The following DTNA variants were observed in gnomAD, a reference collection of about 807,000 sequenced individuals.
DTNA encodes dystrobrevin alpha.
Under a neutral mutation model 100.7 loss-of-function variants are expected in DTNA, and 43 were observed. The observed-to-expected ratio is 0.43, with a 90% CI of 0.33 to 0.55. The LOEUF (loss-of-function observed/expected upper bound fraction) is 0.55, where lower values mean the gene tolerates loss of function less well. Among genes scored for constraint, DTNA ranks in the 20% least tolerant of loss-of-function variants. DTNA has a pLI of 0.04. For missense variants in DTNA, 798 were observed against 953.9 expected (o/e 0.84, Z 2.15); for synonymous variants, 349 against 347.9 (o/e 1.00, Z -0.04).
chr18:34,625,035 ATTT>A (rs1201084306), intron 1 of DTNA, among the ~76,000 whole-genome samples: 13 of 133,546 alleles, frequency 9.7e-5, no homozygotes, highest in African/African-American at 3.6e-4. Flanking sequence ...CAGCCAGTTA[ATTT>A]TTTTTTTTTT....
intron 1 of DTNA, among the ~76,000 whole-genome samples, chr18:34,575,156 A>C (rs984950413): frequency 6.6e-6 from 1 of 152,124 alleles, no homozygotes; most frequent in Non-Finnish European, 1.5e-5. Flanking sequence ...TTGAAGTTTC[A>C]TTTTGATAAA....
intron 1 of DTNA, among the ~76,000 whole-genome samples, chr18:34,720,042 G>A (rs1891839751): frequency 6.6e-6 from 1 of 152,096 alleles, no homozygotes; most frequent in Non-Finnish European, 1.5e-5. Flanking sequence ...AATTAAATGC[G>A]CTAATATTTT....
At chr18:34,595,080 AT>A (rs34580500) in intron 1 of DTNA, among the ~76,000 whole-genome samples, 11,845 of 152,274 alleles carry the variant, frequency 0.078, 568 homozygotes, top group African/African-American at 0.12. Context: ...ATTAATTTTC[AT>A]TTCCCCATAA....
intron 1 of DTNA, chr18:34,574,358 C>T (rs1388557810): frequency 6.5e-6 from 1 of 153,494 alleles, no homozygotes; most frequent in African/African-American, 2.4e-5. Context: ...TCTCCAGTGC[C>T]TCCAGGTCCA....
chr18:34,618,400 G>A (rs2147785757), intron 1 of DTNA, among the ~76,000 whole-genome samples: 1 of 152,220 alleles, frequency 6.6e-6, no homozygotes, highest in Non-Finnish European at 1.5e-5. Context: ...AATCAGTGCT[G>A]ACTATAAATT....
At chr18:34,793,050 A>G (rs1201765558) in intron 3 of DTNA, among the ~76,000 whole-genome samples, 2 of 152,234 alleles carry the variant, frequency 1.3e-5, no homozygotes, top group African/African-American at 4.8e-5. Flanking sequence ...TACTTTCAGC[A>G]ATACATGTAT....
intron 3 of DTNA, among the ~76,000 whole-genome samples, chr18:34,769,009 A>T (rs1667181110): frequency 6.6e-6 from 1 of 152,194 alleles, no homozygotes; most frequent in Non-Finnish European, 1.5e-5. Context: ...AGTCTTATTT[A>T]TTTTATAATG....
intron 3 of DTNA, among the ~76,000 whole-genome samples, chr18:34,781,492 C>T (rs1427487100): frequency 6.6e-6 from 1 of 152,024 alleles, no homozygotes; most frequent in East Asian, 1.9e-4. Context: ...ATCCCATTGG[C>T]CTTAAAAGTT....
At chr18:34,818,757 T>A in intron 8 of DTNA, 1 of 607,138 alleles carries the variant, frequency 1.6e-6, no homozygotes, top group Non-Finnish European at 2.2e-6. Context: ...ACTAGAATAT[T>A]AAAGAAACAA....
intron 1 of DTNA, among the ~76,000 whole-genome samples, chr18:34,689,669 T>G (rs1253227433): frequency 6.6e-6 from 1 of 152,160 alleles, no homozygotes; most frequent in African/African-American, 2.4e-5. Flanking sequence ...AGAGCTCGAG[T>G]GCTGTGCTGG....
At chr18:34,678,190 G>A (rs187260179) in intron 1 of DTNA, among the ~76,000 whole-genome samples, 2 of 152,218 alleles carry the variant, frequency 1.3e-5, no homozygotes, top group African/African-American at 4.8e-5. Context: ...AAGTCAAGGC[G>A]GGGACACAGC....
intron 1 of DTNA, among the ~76,000 whole-genome samples, chr18:34,702,876 T>C (rs1364214388): frequency 6.6e-6 from 1 of 152,176 alleles, no homozygotes; most frequent in Non-Finnish European, 1.5e-5. Context: ...AGGTAACAAT[T>C]CATTTTACCC....
At chr18:34,834,870 C>T (rs2096103769) in intron 11 of DTNA, among the ~76,000 whole-genome samples, 1 of 152,176 alleles carries the variant, frequency 6.6e-6, no homozygotes, top group Non-Finnish European at 1.5e-5. Context: ...AATATTCAAA[C>T]CATAGCAATC....
At chr18:34,601,329 G>A (rs557887241) in intron 1 of DTNA, among the ~76,000 whole-genome samples, 2 of 152,264 alleles carry the variant, frequency 1.3e-5, no homozygotes, top group African/African-American at 2.4e-5. Flanking sequence ...ATGGAAAGGG[G>A]TTGTAACTTT....
chr18:34,550,099 T>C lies in DTNA; in HGVS notation c.-2+56585T>C, dbSNP rs112925333. ...TAGGTAAACAACTCTAGAAAGCTTC[T>C]AACAGTGATATTTTATCCTTTTTCT... On this transcript the variant is annotated intron_variant, in intron 1 of 19. Coordinates refer to the DTNA transcript ENST00000283365. 1.9e-3 allele frequency among the ~76,000 whole-genome samples: 294 copies of C among 152,262 alleles called. 1 individual carries two copies. Among genetic ancestry groups the C allele is most frequent in the South Asian group, 0.017 (80 of 4,828 alleles).
At chr18:34,843,068 G>C (rs1239727962) in intron 13 of DTNA, among the ~76,000 whole-genome samples, 1 of 152,088 alleles carries the variant, frequency 6.6e-6, no homozygotes, top group Non-Finnish European at 1.5e-5. Flanking sequence ...TAGTGCAGTA[G>C]CTAAAAAAAT....
At chr18:34,636,722 G>A (rs1183384475) in intron 1 of DTNA, among the ~76,000 whole-genome samples, 1 of 152,174 alleles carries the variant, frequency 6.6e-6, no homozygotes, top group Non-Finnish European at 1.5e-5. Context: ...GAACCATACA[G>A]AATGCTTCTT....
chr18:34,882,937 G>A (rs1335294071), intron 21 of DTNA, among the ~76,000 whole-genome samples: 1 of 152,162 alleles, frequency 6.6e-6, no homozygotes, highest in Non-Finnish European at 1.5e-5. Flanking sequence ...TAGGAGAATG[G>A]CAAAATTCCT....
chr18:34,500,655 G>T (rs2039809065), intron 1 of DTNA, among the ~76,000 whole-genome samples: 1 of 151,818 alleles, frequency 6.6e-6, no homozygotes, highest in African/African-American at 2.4e-5. Context: ...GTAGAGAGGG[G>T]GTTTCAACAT....
Sources: gnomAD v4.1 joint callset for allele counts (sites outside exome capture counted in the v4.1 genomes callset) on GRCh38, gnomAD v4.1.1 for gene constraint, MANE v1.5 for transcripts, NCBI Gene and HGNC (gene_info 2026-07-23, HGNC 2026-07-21) for gene names.